EXOC6B: variants seen among roughly 807,000 people sequenced by gnomAD.
The protein encoded by EXOC6B is SEC15 homolog B.
EXOC6B carries 54 observed loss-of-function variants against 113.5 expected under a neutral mutation model. That is an observed-to-expected ratio of 0.48 (90% CI 0.38 to 0.60). The LOEUF (loss-of-function observed/expected upper bound fraction) is 0.60, where lower values mean the gene tolerates loss of function less well. EXOC6B is among the 20% of genes least tolerant of loss of function. The pLI is 0.00. For missense variants in EXOC6B, 797 were observed against 977.5 expected, an observed-to-expected ratio of 0.82 and a Z score of 2.46; for synonymous variants, 357 against 339.0, an observed-to-expected ratio of 1.05 and a Z score of -0.58.
intron 18 of EXOC6B, among the ~76,000 whole-genome samples, chr2:72,395,412 G>A (rs534953508): frequency 6.6e-6 from 1 of 152,146 alleles, no homozygotes; most frequent in South Asian, 2.1e-4. Flanking sequence ...ATTAGCCCTA[G>A]TTTCTTTTTT....
intron 16 of EXOC6B, among the ~76,000 whole-genome samples, chr2:72,491,970 A>G (rs1226195283): frequency 6.6e-6 from 1 of 152,198 alleles, no homozygotes; most frequent in Non-Finnish European, 1.5e-5. Context: ...TACGTTGTAC[A>G]TGAACTGCCA....
intron 18 of EXOC6B, among the ~76,000 whole-genome samples, chr2:72,427,312 G>A (rs1695254893): frequency 6.6e-6 from 1 of 152,186 alleles, no homozygotes; most frequent in African/African-American, 2.4e-5. Context: ...ATGCTCCATG[G>A]AGCAGACGGG....
chr2:72,202,985 A>G (rs574915941), intron 20 of EXOC6B, among the ~76,000 whole-genome samples: 3 of 152,358 alleles, frequency 2.0e-5, no homozygotes, highest in East Asian at 3.9e-4. Flanking sequence ...CACGACGTTC[A>G]TCGTTTCTTA....
chr2:72,778,854 T>C (rs1412877810), intron 1 of EXOC6B, among the ~76,000 whole-genome samples: 1 of 152,196 alleles, frequency 6.6e-6, no homozygotes, highest in African/African-American at 2.4e-5. Flanking sequence ...TTCAGGGTTA[T>C]TAATTTTCTA....
chr2:72,797,141 C>G (rs1372848582), intron 1 of EXOC6B, among the ~76,000 whole-genome samples: 1 of 152,182 alleles, frequency 6.6e-6, no homozygotes, highest in African/African-American at 2.4e-5. Context: ...GCACAACTGA[C>G]CACACCATAA....
chr2:72,701,412 T>C (rs926702893), intron 6 of EXOC6B, among the ~76,000 whole-genome samples: 1 of 150,208 alleles, frequency 6.7e-6, no homozygotes, highest in Non-Finnish European at 1.5e-5. Context: ...AAATTGTATC[T>C]AGAGATATCA....
chr2:72,182,992 T>C (rs1028338189), intron 21 of EXOC6B: 1 of 952,824 alleles, frequency 1.0e-6, no homozygotes, highest in Non-Finnish European at 1.4e-6. Context: ...AGGAGAAAAC[T>C]GCAGTCTGAG....
chr2:72,535,293 A>G (rs748280827), intron 8 of EXOC6B, among the ~76,000 whole-genome samples: 13 of 152,176 alleles, frequency 8.5e-5, no homozygotes, highest in Non-Finnish European at 1.8e-4. Context: ...TATTTGCGAA[A>G]TGAATAAAGT....
intron 7 of EXOC6B, among the ~76,000 whole-genome samples, chr2:72,572,663 T>C (rs1704588003): frequency 6.6e-6 from 1 of 152,132 alleles, no homozygotes; most frequent in African/African-American, 2.4e-5. Flanking sequence ...TGTTGAAGAA[T>C]GACAAGAATG....
At chr2:72,580,439 G>A (rs563747748) in intron 6 of EXOC6B, among the ~76,000 whole-genome samples, 7 of 152,070 alleles carry the variant, frequency 4.6e-5, no homozygotes, top group South Asian at 2.1e-4. Flanking sequence ...CACCACACCC[G>A]GCCAGGAATC....
At chr2:72,737,518 G>T (rs1346750718) in intron 2 of EXOC6B, among the ~76,000 whole-genome samples, 2 of 152,062 alleles carry the variant, frequency 1.3e-5, no homozygotes, top group African/African-American at 2.4e-5. Flanking sequence ...GATTACATTT[G>T]CATAGCATAT....
intron 1 of EXOC6B, among the ~76,000 whole-genome samples, chr2:72,743,570 T>C (rs1265576874): frequency 1.3e-5 from 2 of 152,118 alleles, no homozygotes; most frequent in African/African-American, 2.4e-5. Flanking sequence ...CCATGATATG[T>C]TGTCTATCTC....
At chr2:72,449,675 GT>G (rs1283141044) in intron 18 of EXOC6B, among the ~76,000 whole-genome samples, 2 of 152,052 alleles carry the variant, frequency 1.3e-5, no homozygotes, top group Non-Finnish European at 2.9e-5. Context: ...TTCACTATAA[GT>G]TTAATGTCTA....
intron 17 of EXOC6B, among the ~76,000 whole-genome samples, chr2:72,472,551 T>C (rs1162956313): frequency 6.6e-6 from 1 of 152,138 alleles, no homozygotes; most frequent in Admixed American, 6.6e-5. Context: ...AGTTATAATG[T>C]CTCTGTTTTC....
chr2:72,604,038 A>C (rs1670599947), intron 6 of EXOC6B, among the ~76,000 whole-genome samples: 1 of 152,046 alleles, frequency 6.6e-6, no homozygotes, highest in Non-Finnish European at 1.5e-5. Flanking sequence ...TCATTTCTAA[A>C]TGATTATTAA....
chr2:72,498,249 A>C (rs1039989695), intron 13 of EXOC6B, among the ~76,000 whole-genome samples: 1 of 152,224 alleles, frequency 6.6e-6, no homozygotes, highest in Non-Finnish European at 1.5e-5. Context: ...GTAGACACTA[A>C]TACACTGAGA....
intron 2 of EXOC6B, among the ~76,000 whole-genome samples, chr2:72,738,096 T>C (rs1681079591): frequency 6.6e-6 from 1 of 152,186 alleles, no homozygotes; most frequent in Admixed American, 6.5e-5. Context: ...GCCATTCAAA[T>C]ATGACTTTCT....
At chr2:72,760,933 A>G (rs1443364539) in intron 1 of EXOC6B, among the ~76,000 whole-genome samples, 1 of 152,136 alleles carries the variant, frequency 6.6e-6, no homozygotes, top group Non-Finnish European at 1.5e-5. Flanking sequence ...TAATCCCAAC[A>G]CTTTCGGAGG....
intron 7 of EXOC6B, among the ~76,000 whole-genome samples, chr2:72,573,753 GATAA>G (rs985429524): frequency 6.6e-6 from 1 of 152,100 alleles, no homozygotes; most frequent in Non-Finnish European, 1.5e-5. Flanking sequence ...CTTTAAAAAT[GATAA>G]ATAAAATTAT....
Sources: allele counts gnomAD v4.1 joint callset (sites outside exome capture counted in the v4.1 genomes callset), GRCh38; gene constraint gnomAD v4.1.1; transcripts MANE v1.5; gene names NCBI Gene and HGNC (gene_info 2026-07-23, HGNC 2026-07-21).